The following GRM8 variants were observed in gnomAD, a reference collection of about 807,000 sequenced individuals.
The protein encoded by GRM8 is glutamate metabotropic receptor 8, also known as metabotropic glutamate receptor 8.
GRM8 carries 47 observed loss-of-function variants against 87.2 expected under a neutral mutation model. That is an observed-to-expected ratio of 0.54 (90% CI 0.43 to 0.69). The LOEUF is 0.69. Among genes scored for constraint, GRM8 ranks in the 30% least tolerant of loss-of-function variants. The pLI, the probability that GRM8 is intolerant of heterozygous loss-of-function variation, is 0.00. For synonymous variants in GRM8, 396 were observed against 404.5 expected, an observed-to-expected ratio of 0.98 and a Z score of 0.25; for missense variants, 1,019 against 1,139.2, an observed-to-expected ratio of 0.89 and a Z score of 1.52.
intron 6 of GRM8, among the ~76,000 whole-genome samples, chr7:126,819,521 T>C (rs1794110586): frequency 6.6e-6 from 1 of 152,314 alleles, no homozygotes; most frequent in South Asian, 2.1e-4. Flanking sequence ...CTTTGATAAA[T>C]ATTCATCAAA....
At chr7:126,840,047 C>T (rs951302582) in intron 6 of GRM8, among the ~76,000 whole-genome samples, 1 of 152,064 alleles carries the variant, frequency 6.6e-6, no homozygotes, top group Admixed American at 6.6e-5. Flanking sequence ...GTTGTTTTTT[C>T]ACCACCATAT....
At chr7:126,835,426 G>C (rs1795755413) in intron 6 of GRM8, among the ~76,000 whole-genome samples, 1 of 152,098 alleles carries the variant, frequency 6.6e-6, no homozygotes, top group African/African-American at 2.4e-5. Context: ...GGTGAAATAT[G>C]CCTCAGTAAA....
intron 3 of GRM8, among the ~76,000 whole-genome samples, chr7:127,073,058 A>G (rs1319612476): frequency 1.3e-5 from 2 of 152,114 alleles, no homozygotes; most frequent in African/African-American, 4.8e-5. Flanking sequence ...GGGAAATGAG[A>G]AGGAGAGTCA....
At chr7:126,935,687 G>A (rs1181980609) in intron 3 of GRM8, among the ~76,000 whole-genome samples, 2 of 152,212 alleles carry the variant, frequency 1.3e-5, no homozygotes, top group African/African-American at 4.8e-5. Context: ...ACAATTGTGT[G>A]TTAGAGATGA....
chr7:126,607,831 A>T (rs913060360), intron 8 of GRM8, among the ~76,000 whole-genome samples: 1 of 148,718 alleles, frequency 6.7e-6, no homozygotes, highest in Non-Finnish European at 1.5e-5. Context: ...TATATCACCC[A>T]ATGCTATCCC....
chr7:126,910,321 C>T (rs1204438834), intron 3 of GRM8, among the ~76,000 whole-genome samples: 2 of 151,900 alleles, frequency 1.3e-5, no homozygotes, highest in African/African-American at 4.8e-5. Flanking sequence ...AATTAGAAAT[C>T]CATGAGTATT....
chr7:127,003,401 T>A (rs1309124970), intron 3 of GRM8, among the ~76,000 whole-genome samples: 1 of 151,762 alleles, frequency 6.6e-6, no homozygotes, highest in African/African-American at 2.4e-5. Context: ...TAGATTAAAT[T>A]TCTTCTGAGA....
At chr7:127,224,671 G>T (rs1215271750) in intron 2 of GRM8, among the ~76,000 whole-genome samples, 1 of 152,202 alleles carries the variant, frequency 6.6e-6, no homozygotes, top group East Asian at 1.9e-4. Flanking sequence ...GAGTTTTCTA[G>T]ATTCAGTTGA....
At chr7:126,735,535 TA>T (rs1264225738) in intron 7 of GRM8, among the ~76,000 whole-genome samples, 1 of 152,096 alleles carries the variant, frequency 6.6e-6, no homozygotes, top group East Asian at 1.9e-4. Flanking sequence ...TCAAGAATCT[TA>T]AAGGCAGGGA....
At chr7:127,237,019 G>C (rs936010378) in intron 2 of GRM8, among the ~76,000 whole-genome samples, 29 of 152,166 alleles carry the variant, frequency 1.9e-4, no homozygotes, top group African/African-American at 6.3e-4. Flanking sequence ...AGACAATCTA[G>C]TCAAGGAAAG....
At chr7:127,008,574 G>C (rs985045194) in intron 3 of GRM8, among the ~76,000 whole-genome samples, 1 of 152,042 alleles carries the variant, frequency 6.6e-6, no homozygotes, top group African/African-American at 2.4e-5. Context: ...TAATCTCAGT[G>C]TTTGTTCAGA....
chr7:126,613,036 T>C (rs577859629), intron 7 of GRM8, among the ~76,000 whole-genome samples: 77 of 152,326 alleles, frequency 5.1e-4, no homozygotes, highest in African/African-American at 1.8e-3. Flanking sequence ...CTAATGCGAT[T>C]TCTAGTCTTA....
At chr7:126,957,711 G>T (rs1041643252) in intron 3 of GRM8, among the ~76,000 whole-genome samples, 2 of 152,218 alleles carry the variant, frequency 1.3e-5, no homozygotes, top group African/African-American at 4.8e-5. Flanking sequence ...AGGGAGGCTG[G>T]GGGATGGCGG....
rs151180460 is a variant in GRM8, at chr7:127,036,723, G to A, written c.727+69773C>T. The stretch of plus-strand genomic sequence containing the variant: ...TTGTAAGGACACTGCTTGTTACGCC[G>A]CACAGAGTGCCCTTCATTATGATTC... On this transcript the variant is annotated intron_variant, in intron 3 of 10. Transcript: ENST00000339582. Among the ~76,000 whole-genome samples the A allele has an allele frequency of 3.4e-3, 513 of 152,196 alleles. 5 individuals are homozygous for A. Among genetic ancestry groups the A allele is most frequent in the African/African-American group, 0.011 (472 of 41,518 alleles).
chr7:127,190,153 G>C (rs1354004802), intron 2 of GRM8, among the ~76,000 whole-genome samples: 1 of 152,154 alleles, frequency 6.6e-6, no homozygotes, highest in African/African-American at 2.4e-5. Flanking sequence ...TCATCCTCTA[G>C]AGCAGGCTAT....
intron 7 of GRM8, among the ~76,000 whole-genome samples, chr7:126,639,063 C>G (rs1269331000): frequency 6.6e-6 from 1 of 152,206 alleles, no homozygotes; most frequent in African/African-American, 2.4e-5. Context: ...CAAAATTGCT[C>G]AAGCACTTCA....
chr7:126,951,900 T>G (rs17866180), intron 3 of GRM8, among the ~76,000 whole-genome samples: 152 of 152,134 alleles, frequency 1.0e-3, no homozygotes, highest in African/African-American at 3.5e-3. Flanking sequence ...GTGCAGGTTA[T>G]TCATATGCAT....
chr7:126,488,286 G>GT (rs1807602771), intron 9 of GRM8, among the ~76,000 whole-genome samples: 1 of 152,010 alleles, frequency 6.6e-6, no homozygotes, highest in African/African-American at 2.4e-5. Flanking sequence ...CTGCCCACCA[G>GT]TACTTTTGTG....
chr7:127,140,100 T>C (rs974886323), intron 2 of GRM8, among the ~76,000 whole-genome samples: 1 of 152,168 alleles, frequency 6.6e-6, no homozygotes, highest in Non-Finnish European at 1.5e-5. Flanking sequence ...CACCCAGAAA[T>C]ATATTGCATT....
Sources: gnomAD v4.1 joint callset for allele counts (sites outside exome capture counted in the v4.1 genomes callset) on GRCh38, gnomAD v4.1.1 for gene constraint, MANE v1.5 for transcripts, NCBI Gene and HGNC (gene_info 2026-07-23, HGNC 2026-07-21) for gene names.